The following STXBP3 variants were observed in gnomAD, a reference collection of about 807,000 sequenced individuals.
The protein encoded by STXBP3 is syntaxin-binding protein 3.
STXBP3 carries 41 observed loss-of-function variants against 85.7 expected under a neutral mutation model. That is an observed-to-expected ratio of 0.48 (90% CI 0.37 to 0.62). The LOEUF (loss-of-function observed/expected upper bound fraction) is 0.62. Among genes scored for constraint, STXBP3 ranks in the 20% least tolerant of loss-of-function variants. The pLI, the probability that STXBP3 is intolerant of heterozygous loss-of-function variation, is 0.00. For synonymous variants in STXBP3, 229 were observed against 231.7 expected, an observed-to-expected ratio of 0.99 and a Z score of 0.10; for missense variants, 563 against 703.1, an observed-to-expected ratio of 0.80 and a Z score of 2.25.
At chr1:108,779,918 CA>C (rs1335042031) in intron 9 of STXBP3, 1 of 152,104 alleles carries the variant, frequency 6.6e-6, no homozygotes, top group African/African-American at 2.4e-5. Flanking sequence ...TTGGTATAAA[CA>C]TATTTACTTT....
chr1:108,763,080 A>T (rs777828878), intron 6 of STXBP3, among the ~76,000 whole-genome samples: 5 of 152,238 alleles, frequency 3.3e-5, no homozygotes, highest in Non-Finnish European at 5.9e-5. Flanking sequence ...TGCACAAGGC[A>T]CAGAATCCTG....
chr1:108,798,069 C>A, intron 15 of STXBP3, 76 bp from the exon 16 acceptor site: 1 of 1,194,020 alleles, frequency 8.4e-7, no homozygotes, highest in Non-Finnish European at 1.2e-6. Flanking sequence ...AATTAAATAT[C>A]TTCGTTAGGA....
chr1:108,764,489 G>A (rs747023502), intron 6 of STXBP3, among the ~76,000 whole-genome samples: 1 of 152,126 alleles, frequency 6.6e-6, no homozygotes, highest in Non-Finnish European at 1.5e-5. Context: ...TTCCACAATG[G>A]TTCAACTAAT....
intron 7 of STXBP3, among the ~76,000 whole-genome samples, chr1:108,773,085 T>C (rs1662504491): frequency 6.6e-6 from 1 of 152,194 alleles, no homozygotes; most frequent in South Asian, 2.1e-4. Flanking sequence ...GAAATGTCTT[T>C]ATAGTCACAT....
intron 11 of STXBP3, among the ~76,000 whole-genome samples, chr1:108,788,547 T>C (rs1662906730): frequency 6.6e-6 from 1 of 152,186 alleles, no homozygotes; most frequent in African/African-American, 2.4e-5. Flanking sequence ...TGGGGAGGTC[T>C]TTCGTTATAA....
chr1:108,801,077 T>G (rs1663223960), intron 17 of STXBP3, among the ~76,000 whole-genome samples: 1 of 152,236 alleles, frequency 6.6e-6, no homozygotes, highest in Non-Finnish European at 1.5e-5. Context: ...GGCTCTTTTC[T>G]TTCATCTTTT....
chr1:108,749,888 A>T (rs536250319), intron 1 of STXBP3, among the ~76,000 whole-genome samples: 15 of 152,208 alleles, frequency 9.9e-5, no homozygotes, highest in Non-Finnish European at 1.9e-4. Context: ...AGGTAAAAAG[A>T]AAAAGGTAAA....
intron 14 of STXBP3, 115 bp from the exon 15 acceptor site, chr1:108,796,505 A>C: frequency 8.6e-7 from 1 of 1,161,926 alleles, no homozygotes; most frequent in Non-Finnish European, 1.2e-6. Flanking sequence ...ACTGAAGGAG[A>C]TATAATTTGA....
intron 14 of STXBP3, 44 bp from the exon 15 acceptor site, chr1:108,796,576 G>A (rs1272762228): frequency 6.5e-7 from 1 of 1,542,706 alleles, no homozygotes; most frequent in East Asian, 2.3e-5. Flanking sequence ...AATTATTTTG[G>A]TAGCAATTGT....
intron 1 of STXBP3, among the ~76,000 whole-genome samples, chr1:108,750,112 G>A (rs939840078): frequency 2.0e-5 from 3 of 151,742 alleles, no homozygotes; most frequent in Non-Finnish European, 2.9e-5. Flanking sequence ...CTTCTGCTTG[G>A]GGAGCTTTTC....
At chr1:108,759,890 TA>T in intron 5 of STXBP3, 94 bp from the exon 6 acceptor site, 1 of 736,076 alleles carries the variant, frequency 1.4e-6, no homozygotes. Flanking sequence ...TGAAAGCCAG[TA>T]ATTATGTATA....
chr1:108,749,508 A>AGG (rs953718214), intron 1 of STXBP3, among the ~76,000 whole-genome samples: 42 of 152,222 alleles, frequency 2.8e-4, no homozygotes, highest in African/African-American at 1.0e-3. Flanking sequence ...AAAGTAAGAG[A>AGG]ATTGAGTCTT....
chr1:108,773,327 A>G (rs1324456845), intron 7 of STXBP3, among the ~76,000 whole-genome samples: 2 of 152,176 alleles, frequency 1.3e-5, no homozygotes, highest in African/African-American at 4.8e-5. Flanking sequence ...TAAATTGTCT[A>G]TACAGTAAGT....
intron 11 of STXBP3, among the ~76,000 whole-genome samples, chr1:108,789,766 T>A (rs1013594969): frequency 6.6e-6 from 1 of 152,112 alleles, no homozygotes; most frequent in African/African-American, 2.4e-5. Flanking sequence ...TTAAAATATG[T>A]TAAGACTTGA....
At chr1:108,776,126 A>T (rs1161065330) in intron 7 of STXBP3, among the ~76,000 whole-genome samples, 1 of 152,168 alleles carries the variant, frequency 6.6e-6, no homozygotes, top group East Asian at 1.9e-4. Context: ...TCTGAAGCAG[A>T]TATGATAAGG....
chr1:108,785,060 C>T (rs1476984161), intron 11 of STXBP3, among the ~76,000 whole-genome samples: 1 of 152,200 alleles, frequency 6.6e-6, no homozygotes, highest in Non-Finnish European at 1.5e-5. Context: ...GCAGCTTTTC[C>T]AGGCACATGT....
intron 6 of STXBP3, among the ~76,000 whole-genome samples, chr1:108,762,766 G>A (rs997568484): frequency 4.6e-5 from 7 of 152,072 alleles, no homozygotes; most frequent in South Asian, 2.1e-4. Context: ...ACCTTCACCC[G>A]TAGTATAATG....
chr1:108,752,934 AG>A, intron 2 of STXBP3, 128 bp from the exon 3 acceptor site: 1 of 549,508 alleles, frequency 1.8e-6, no homozygotes, highest in East Asian at 3.2e-5. Context: ...ATAAAAGATG[AG>A]ATCATTTTGC....
intron 6 of STXBP3, among the ~76,000 whole-genome samples, chr1:108,770,946 A>G (rs1662379135): frequency 6.6e-6 from 1 of 152,118 alleles, no homozygotes; most frequent in Non-Finnish European, 1.5e-5. Flanking sequence ...CTCTTATTTT[A>G]AGGACATGAA....
Sources: allele counts gnomAD v4.1 joint callset (sites outside exome capture counted in the v4.1 genomes callset), GRCh38; gene constraint gnomAD v4.1.1; transcripts MANE v1.5; gene names NCBI Gene and HGNC (gene_info 2026-07-23, HGNC 2026-07-21).